Variants in TENM2 observed in about 807,000 individuals in gnomAD.
TENM2 encodes teneurin transmembrane protein 2.
TENM2 carries 52 observed loss-of-function variants against 245.2 expected under a neutral mutation model. The observed-to-expected ratio is 0.21, with a 90% confidence interval of 0.17 to 0.27. TENM2 has a LOEUF of 0.27. TENM2 is among the 10% of genes least tolerant of loss of function. TENM2 has a pLI of 1.00. For missense variants in TENM2, 3,046 were observed against 3,666.8 expected, an observed-to-expected ratio of 0.83 and a Z score of 4.37; for synonymous variants, 1,363 against 1,438.9, an observed-to-expected ratio of 0.95 and a Z score of 1.19.
intron 2 of TENM2, among the ~76,000 whole-genome samples, chr5:167,433,948 A>G (rs1006946780): frequency 6.6e-6 from 1 of 152,182 alleles, no homozygotes; most frequent in African/African-American, 2.4e-5. Flanking sequence ...GTAACTACAA[A>G]ATTATCAATG....
chr5:168,199,601 A>G (rs1218068938), intron 16 of TENM2, among the ~76,000 whole-genome samples: 2 of 152,228 alleles, frequency 1.3e-5, no homozygotes, highest in African/African-American at 4.8e-5. Flanking sequence ...TTTTGCCAAC[A>G]GTGTGGCTTT....
chr5:168,144,491 C>G (rs1755864349), intron 12 of TENM2, among the ~76,000 whole-genome samples: 1 of 152,134 alleles, frequency 6.6e-6, no homozygotes, highest in South Asian at 2.1e-4. Flanking sequence ...TCATCCATGT[C>G]CCTACAAAGG....
chr5:167,216,496 C>G, the TENM2 span, among the ~76,000 whole-genome samples: 1 of 152,194 alleles, frequency 6.6e-6, no homozygotes, highest in Non-Finnish European at 1.5e-5. Context: ...TTATGCACCA[C>G]TGTCTCCCCA....
intron 2 of TENM2, among the ~76,000 whole-genome samples, chr5:167,836,509 G>C (rs1769004302): frequency 6.6e-6 from 1 of 152,124 alleles, no homozygotes. Context: ...TTGGATTTCT[G>C]TATCAAGTTT....
chr5:167,351,175 C>CATATGGGATATATATGGATATATAT (rs931944695), intron 1 of TENM2, among the ~76,000 whole-genome samples: 13 of 146,690 alleles, frequency 8.9e-5, no homozygotes, highest in Non-Finnish European at 1.6e-4. Flanking sequence ...GGGATATATA[C>CATATGGGATATATATGGATATATAT]ATATGGGATA....
chr5:167,448,166 G>C (rs1019148852), intron 2 of TENM2, among the ~76,000 whole-genome samples: 1 of 152,094 alleles, frequency 6.6e-6, no homozygotes, highest in African/African-American at 2.4e-5. Flanking sequence ...GCAGCACAAT[G>C]GCATGTCCCC....
At chr5:166,995,439 C>A in the TENM2 span, among the ~76,000 whole-genome samples, 3 of 151,780 alleles carry the variant, frequency 2.0e-5, no homozygotes, top group South Asian at 2.1e-4. Flanking sequence ...GACAGGGTTT[C>A]ACTGTGTTAG....
intron 2 of TENM2, among the ~76,000 whole-genome samples, chr5:167,504,085 C>G (rs1769383923): frequency 6.6e-6 from 1 of 152,112 alleles, no homozygotes; most frequent in African/African-American, 2.4e-5. Flanking sequence ...CTTTATATAA[C>G]TTATTTTTTG....
At chr5:168,246,151 T>C (rs1766545682) in intron 26 of TENM2, among the ~76,000 whole-genome samples, 1 of 151,090 alleles carries the variant, frequency 6.6e-6, no homozygotes, top group Non-Finnish European at 1.5e-5. Context: ...GAGAATCGCT[T>C]GAACCCAGGA....
intron 2 of TENM2, among the ~76,000 whole-genome samples, chr5:167,534,606 T>C (rs13174736): frequency 0.49 from 74,117 of 152,034 alleles, 19,848 homozygotes; most frequent in South Asian, 0.61. Flanking sequence ...AGGAAAGCAT[T>C]TGGACTTTAT....
chr5:167,654,971 AG>A (rs1754745742), intron 2 of TENM2, among the ~76,000 whole-genome samples: 1 of 152,162 alleles, frequency 6.6e-6, no homozygotes, highest in South Asian at 2.1e-4. Context: ...AATAAATTAT[AG>A]AAACAGTTGA....
intron 2 of TENM2, among the ~76,000 whole-genome samples, chr5:167,663,665 C>T (rs965118358): frequency 5.3e-5 from 8 of 152,014 alleles, no homozygotes; most frequent in African/African-American, 1.5e-4. Flanking sequence ...TGGATTTGCA[C>T]AAGATATTTT....
the TENM2 span, among the ~76,000 whole-genome samples, chr5:167,053,636 T>C: frequency 8.5e-5 from 13 of 152,140 alleles, no homozygotes; most frequent in African/African-American, 3.1e-4. Context: ...CTTGGGAGGC[T>C]GAAGCAGTAG....
the TENM2 span, among the ~76,000 whole-genome samples, chr5:166,996,869 C>CT: frequency 6.6e-6 from 1 of 152,154 alleles, no homozygotes; most frequent in African/African-American, 2.4e-5. Flanking sequence ...ACTTTCCATT[C>CT]TTTCTTTTCT....
the TENM2 span, among the ~76,000 whole-genome samples, chr5:167,140,637 A>G: frequency 4.1e-4 from 62 of 152,282 alleles, no homozygotes; most frequent in African/African-American, 1.4e-3. Flanking sequence ...AGAGTCTTGT[A>G]GTAAAACAAA....
intron 2 of TENM2, among the ~76,000 whole-genome samples, chr5:167,837,713 T>G (rs552835022): frequency 6.6e-6 from 1 of 152,316 alleles, no homozygotes; most frequent in East Asian, 1.9e-4. Context: ...AAGATTGCTC[T>G]GACTCAAGAC....
intron 1 of TENM2, among the ~76,000 whole-genome samples, chr5:167,294,060 G>A (rs1444748110): frequency 6.6e-6 from 1 of 152,032 alleles, no homozygotes; most frequent in African/African-American, 2.4e-5. Context: ...GCAAAGCTGA[G>A]TACGTTTGGA....
chr5:167,988,017 G>A (rs939023616), intron 4 of TENM2, among the ~76,000 whole-genome samples: 8 of 152,166 alleles, frequency 5.3e-5, no homozygotes, highest in African/African-American at 1.9e-4. Flanking sequence ...AGACACCACA[G>A]TGCCAATGAG....
intron 2 of TENM2, among the ~76,000 whole-genome samples, chr5:167,636,374 A>G (rs1427478925): frequency 2.6e-5 from 4 of 152,232 alleles, no homozygotes; most frequent in East Asian, 1.9e-4. Context: ...GTGAGTGGCT[A>G]TCTGCATTAA....
Sources: gnomAD v4.1 joint callset for allele counts (sites outside exome capture counted in the v4.1 genomes callset) on GRCh38, gnomAD v4.1.1 for gene constraint, MANE v1.5 for transcripts, NCBI Gene and HGNC (gene_info 2026-07-23, HGNC 2026-07-21) for gene names.